ZNF676: variants seen among roughly 807,000 people sequenced by gnomAD.
ZNF676 encodes zinc finger protein 676.
In ZNF676, 4 loss-of-function variants were observed where a neutral mutation model predicts 6.0. The observed-to-expected ratio is 0.67, with a 90% CI of 0.33 to 1.53. The LOEUF (loss-of-function observed/expected upper bound fraction) is 1.53. Among genes scored for constraint, ZNF676 ranks in the 40% most tolerant of loss-of-function variants. The probability of loss-of-function intolerance (pLI) is 0.06; values close to 1 mark genes in which losing one functional copy is unlikely to be tolerated. For synonymous variants in ZNF676, 198 were observed against 223.1 expected (o/e 0.89, Z 1.00); for missense variants, 644 against 679.7 (o/e 0.95, Z 0.58).
In ZNF676 at chr19:22,180,690, C is replaced by A. The variant is rs762615204; in HGVS notation, c.1027G>T (p.Gly343Trp). 1.2e-6 allele frequency: 2 copies of A among 1,611,038 alleles called. No homozygotes were observed. Among genetic ancestry groups the A allele is most frequent in the Non-Finnish European group, 1.7e-6 (2 of 1,178,800 alleles). ...GEKPYKCEECGKAFNRSSILT... is the reference protein window; with the variant it reads ...GEKPYKCEECWKAFNRSSILT... ...ATTGAGGATCGATTAAAAGCTTTCCCGCATTCTTCACATTTGTAGGGTTTC... is the reference window on the plus strand; with the variant it reads ...ATTGAGGATCGATTAAAAGCTTTCCAGCATTCTTCACATTTGTAGGGTTTC... Residue 343 changes from glycine to tryptophan, a missense_variant, in exon 3 of 3, where the codon GGG becomes TGG. Coordinates refer to ENST00000397121, the MANE Select transcript of ZNF676 (RefSeq NM_001001411.3).
the ZNF676 span, among the ~76,000 whole-genome samples, chr19:22,231,359 GTCTT>G: frequency 9.9e-5 from 15 of 151,808 alleles, no homozygotes; most frequent in Admixed American, 2.0e-4. Context: ...ACATTATTAA[GTCTT>G]TCTGTTTCAG....
At chr19:22,196,310 T>C (rs1245298933) in intron 1 of ZNF676, among the ~76,000 whole-genome samples, 1 of 152,118 alleles carries the variant, frequency 6.6e-6, no homozygotes, top group Non-Finnish European at 1.5e-5. Context: ...CTGGAACATC[T>C]GGAGAGTACT....
the ZNF676 span, among the ~76,000 whole-genome samples, chr19:22,238,870 T>G: frequency 6.6e-6 from 1 of 152,182 alleles, no homozygotes; most frequent in African/African-American, 2.4e-5. Flanking sequence ...TTCTGCCTGC[T>G]TATATTCTGG....
the ZNF676 span, among the ~76,000 whole-genome samples, chr19:22,241,437 C>A: frequency 7.2e-5 from 11 of 152,004 alleles, no homozygotes; most frequent in Admixed American, 5.2e-4. Context: ...GTAACCAACC[C>A]ACCTATGGAT....
chr19:22,229,089 G>GA, the ZNF676 span, among the ~76,000 whole-genome samples: 2,249 of 152,256 alleles, frequency 0.015, 28 homozygotes, highest in Non-Finnish European at 0.023. Context: ...TACAGTACCT[G>GA]ACTTCAAACT....
the ZNF676 span, among the ~76,000 whole-genome samples, chr19:22,235,121 C>CAGGAAGGCAGGA: frequency 1.6e-4 from 21 of 131,704 alleles, no homozygotes; most frequent in Non-Finnish European, 2.9e-4. Context: ...GGCAGGAAGG[C>CAGGAAGGCAGGA]AGGAAGGAAG....
At chr19:22,242,357 C>A in the ZNF676 span, among the ~76,000 whole-genome samples, 8,491 of 151,880 alleles carry the variant, frequency 0.056, 923 homozygotes, top group African/African-American at 0.19. Context: ...GCAGGCAAAA[C>A]AAATTCATCA....
chr19:22,256,138 G>A, the ZNF676 span, among the ~76,000 whole-genome samples: 5 of 152,130 alleles, frequency 3.3e-5, no homozygotes, highest in African/African-American at 1.2e-4. Context: ...ATAAAAATAG[G>A]AGACCCTGAA....
At chr19:22,198,347 T>G (rs2023991937), upstream of ZNF676, among the ~76,000 whole-genome samples, 1 of 152,120 alleles carries the variant, frequency 6.6e-6, no homozygotes, top group Non-Finnish European at 1.5e-5. Flanking sequence ...AAAAAATATA[T>G]TTTTCAGAGA....
At chr19:22,188,134 T>C (rs183646521) in intron 2 of ZNF676, among the ~76,000 whole-genome samples, 78 of 152,120 alleles carry the variant, frequency 5.1e-4, no homozygotes, top group Admixed American at 2.7e-3. Context: ...GTAAACCGAA[T>C]CCAGCAGCAC....
At chr19:22,242,989 G>A in the ZNF676 span, among the ~76,000 whole-genome samples, 6 of 151,830 alleles carry the variant, frequency 4.0e-5, no homozygotes, top group South Asian at 4.1e-4. Flanking sequence ...TGCATCCTGC[G>A]GGCAAGTAAC....
intron 2 of ZNF676, among the ~76,000 whole-genome samples, chr19:22,192,770 A>G (rs1359296523): frequency 6.6e-6 from 1 of 152,222 alleles, no homozygotes; most frequent in African/African-American, 2.4e-5. Flanking sequence ...TATGCCATGA[A>G]CAGTACTTTG....
At chr19:22,188,182 T>A (rs763519585) in intron 2 of ZNF676, among the ~76,000 whole-genome samples, 1 of 152,076 alleles carries the variant, frequency 6.6e-6, no homozygotes. Flanking sequence ...GTTGGCTTCA[T>A]CCCTGGAATG....
chr19:22,221,312 T>C, the ZNF676 span, among the ~76,000 whole-genome samples: 1 of 152,246 alleles, frequency 6.6e-6, no homozygotes, highest in Non-Finnish European at 1.5e-5. Flanking sequence ...ATTTCCATCT[T>C]GATTTCATTG....
upstream of ZNF676, among the ~76,000 whole-genome samples, chr19:22,199,117 T>A (rs2023999801): frequency 6.6e-6 from 1 of 152,082 alleles, no homozygotes; most frequent in Admixed American, 6.6e-5. Flanking sequence ...TAACTAAGCA[T>A]TTCCTCTCAA....
the ZNF676 span, among the ~76,000 whole-genome samples, chr19:22,223,336 C>A: frequency 6.6e-6 from 1 of 152,096 alleles, no homozygotes; most frequent in Non-Finnish European, 1.5e-5. Flanking sequence ...GAGATGAAGT[C>A]TTTCTACATA....
chr19:22,183,391 G>A (rs1220398147), intron 2 of ZNF676, among the ~76,000 whole-genome samples: 3 of 152,126 alleles, frequency 2.0e-5, no homozygotes, highest in Non-Finnish European at 4.4e-5. Context: ...AGGCTGGAGT[G>A]CAATGACACT....
chr19:22,194,737 A>G (rs2023949399), intron 1 of ZNF676, among the ~76,000 whole-genome samples: 1 of 152,090 alleles, frequency 6.6e-6, no homozygotes, highest in African/African-American at 2.4e-5. Context: ...CTAGGAAACA[A>G]GAAGGGGCCC....
At chr19:22,235,000 GAAA>G in the ZNF676 span, among the ~76,000 whole-genome samples, 7 of 111,692 alleles carry the variant, frequency 6.3e-5, 1 homozygote, top group Admixed American at 5.0e-4. Flanking sequence ...AAGAAAGAAA[GAAA>G]GAAAGAAAGA....
Sources: gnomAD v4.1 joint callset for allele counts (sites outside exome capture counted in the v4.1 genomes callset) on GRCh38, gnomAD v4.1.1 for gene constraint, MANE v1.5 for transcripts, NCBI Gene and HGNC (gene_info 2026-07-23, HGNC 2026-07-21) for gene names.